Variants in RXRA observed in about 807,000 individuals in gnomAD.
The protein encoded by RXRA is retinoic acid receptor RXR-alpha.
In RXRA, 5 loss-of-function variants were observed where a neutral mutation model predicts 44.5. The observed-to-expected ratio is 0.11, with a 90% confidence interval of 0.06 to 0.24. The LOEUF (loss-of-function observed/expected upper bound fraction) is 0.24. Ranked by LOEUF, RXRA falls within the 10% of genes least tolerant of loss-of-function variation. The pLI is 1.00. For synonymous variants in RXRA, 291 were observed against 271.4 expected, an observed-to-expected ratio of 1.07 and a Z score of -0.71; for missense variants, 412 against 646.5, an observed-to-expected ratio of 0.64 and a Z score of 3.93.
In RXRA at chr9:134,349,390, C is replaced by G. The variant is rs1830193852; in HGVS notation, c.28+22731C>G. ...GCTTGGTGGCAGGGAGGGAAGGCCT[C>G]TCCACGGGGAGCAGGAGGGAGGAGA... On this transcript the variant is annotated intron_variant, in intron 1 of 9. Coordinates refer to ENST00000481739, the MANE Select transcript of RXRA (RefSeq NM_002957.6). This position sits in a 1 kb window ranked among gnomAD's most constrained non-coding sequence, Gnocchi z 4.3. Among the ~76,000 whole-genome samples the G allele has an allele frequency of 6.6e-6, 1 of 152,158 alleles. No homozygotes were observed. Among genetic ancestry groups the G allele is most frequent in the African/African-American group, 2.4e-5 (1 of 41,438 alleles).
chr9:134,418,520 C>G (rs1246213557), intron 5 of RXRA, among the ~76,000 whole-genome samples: 1 of 152,170 alleles, frequency 6.6e-6, no homozygotes, highest in African/African-American at 2.4e-5. Flanking sequence ...GCTGGGTGCG[C>G]CCTGCAGGTC....
intron 6 of RXRA, chr9:134,423,806 A>C: frequency 1.0e-6 from 1 of 985,456 alleles, no homozygotes; most frequent in South Asian, 4.7e-5. Flanking sequence ...TGCCAGCTGC[A>C]GGCCTGCCTG....
intron 1 of RXRA, chr9:134,371,961 T>C (rs969587189): frequency 6.6e-6 from 1 of 152,252 alleles, no homozygotes; most frequent in African/African-American, 2.4e-5. Flanking sequence ...CCTGCCAGCC[T>C]GGTGCAGGAC....
intron 4 of RXRA, among the ~76,000 whole-genome samples, chr9:134,413,285 G>A (rs937743126): frequency 3.3e-5 from 5 of 151,980 alleles, no homozygotes; most frequent in East Asian, 1.9e-4. Context: ...TCTGTGTGGT[G>A]TATGGGTGTG....
Position 134,357,048 on chromosome 9 carries a change from G to A in RXRA, c.28+30389G>A, listed in dbSNP as rs1022658770. Among the ~76,000 whole-genome samples the A allele has an allele frequency of 2.6e-5, 4 of 152,362 alleles. No homozygotes were observed. In the East Asian group the frequency reaches 5.8e-4, roughly 22 times the overall value. On this transcript the variant is annotated intron_variant, in intron 1 of 9. Coordinates refer to ENST00000481739, the MANE Select transcript of RXRA (RefSeq NM_002957.6). ...GCGTGAAGGCATAGCCAGGGCAGAA[G>A]CAGAACAAAAGAAAAGAAAAAAATC... is the stretch of plus-strand genomic sequence containing the variant.
intron 1 of RXRA, among the ~76,000 whole-genome samples, chr9:134,386,146 G>GC (rs1830716664): frequency 6.6e-6 from 1 of 152,248 alleles, no homozygotes; most frequent in African/African-American, 2.4e-5. Context: ...CTTGCGACCA[G>GC]CTCCAGGCTG....
At chr9:134,388,286 T>TGTGTGTGTGTGTATGTGTGA (rs71381810) in intron 1 of RXRA, among the ~76,000 whole-genome samples, 1 of 150,888 alleles carries the variant, frequency 6.6e-6, no homozygotes, top group African/African-American at 2.4e-5. Context: ...AGAAGCAGTG[T>TGTGTGTGTGTGTATGTGTGA]GTGTGTGAGT....
At chr9:134,388,680 C>T (rs62573107) in intron 1 of RXRA, among the ~76,000 whole-genome samples, 8 of 152,348 alleles carry the variant, frequency 5.3e-5, no homozygotes, top group Non-Finnish European at 8.8e-5. Context: ...AGTTGGTGGC[C>T]GCCATTCTGG....
At chr9:134,391,694 G>A (rs886247188) in intron 1 of RXRA, among the ~76,000 whole-genome samples, 6 of 152,312 alleles carry the variant, frequency 3.9e-5, no homozygotes, top group South Asian at 2.1e-4. Context: ...GCTGGTACCC[G>A]TCCTCCAAGG....
chr9:134,415,104 T>G (rs924312304), intron 4 of RXRA, among the ~76,000 whole-genome samples: 1 of 152,242 alleles, frequency 6.6e-6, no homozygotes, highest in Non-Finnish European at 1.5e-5. Context: ...CTGGCTCCTC[T>G]GCCTGGTTGG....
chr9:134,422,622 C>T (rs1454615351), intron 6 of RXRA: 31 of 915,250 alleles, frequency 3.4e-5, no homozygotes, highest in African/African-American at 3.8e-5. Context: ...TCCCCACTCC[C>T]GGGACACTCC....
Position 134,379,625 on chromosome 9 carries a change from C to T in RXRA, c.29-22007C>T, listed in dbSNP as rs1317740770. ...TCCCTGACAGCCGCAGGGTCTCACC[C>T]TCCTGCTCCAGCCCCTCTCTGACCC... On this transcript the variant is annotated intron_variant, in intron 1 of 9. Coordinates refer to ENST00000481739, the MANE Select transcript of RXRA (RefSeq NM_002957.6). 8 of 985,248 alleles carry T rather than the reference C, an allele frequency of 8.1e-6. No homozygotes were observed. The African/African-American group carries it at 1.4e-4, about 17-fold the overall frequency. The allele number at this position is 985,248 out of a possible 1,614,324, so 61.0% of individuals were successfully genotyped here.
intron 1 of RXRA, among the ~76,000 whole-genome samples, chr9:134,363,261 C>T (rs570975763): frequency 1.3e-5 from 2 of 152,332 alleles, no homozygotes; most frequent in African/African-American, 4.8e-5. Flanking sequence ...GGCCTCGTTG[C>T]TCTGTCCTCT....
intron 1 of RXRA, among the ~76,000 whole-genome samples, chr9:134,368,376 C>T (rs1003510281): frequency 6.6e-6 from 1 of 152,262 alleles, no homozygotes; most frequent in Admixed American, 6.5e-5. Flanking sequence ...TCCCCTGGGG[C>T]TGGATAGCCC....
chr9:134,369,132 G>A (rs1361350255), intron 1 of RXRA, among the ~76,000 whole-genome samples: 2 of 92,066 alleles, frequency 2.2e-5, no homozygotes, highest in Non-Finnish European at 4.2e-5. Flanking sequence ...TGCAGGGGTT[G>A]TGTGTGGGGT....
intron 1 of RXRA, among the ~76,000 whole-genome samples, chr9:134,358,673 C>T (rs573677328): frequency 1.3e-5 from 2 of 152,330 alleles, no homozygotes; most frequent in African/African-American, 4.8e-5. Flanking sequence ...CTCCCCTCCC[C>T]GCCCCTCCCT....
In RXRA at chr9:134,365,811, C is replaced by T. The variant is rs1375777679; in HGVS notation, c.29-35821C>T. Among the ~76,000 whole-genome samples the T allele has an allele frequency of 6.6e-6, 1 of 151,870 alleles. No homozygotes were observed. Among genetic ancestry groups the T allele is most frequent in the Non-Finnish European group, 1.5e-5 (1 of 67,952 alleles). On this transcript the variant is annotated intron_variant, in intron 1 of 9. Transcript: ENST00000481739. This position sits in a 1 kb window ranked among gnomAD's most constrained non-coding sequence, Gnocchi z 4.0. ...GGAGGGCCAGCCCAGAAGGACCCTCCCATTACCCTCTGGTGGCTTGCCCAT... is the reference window on the plus strand; with the variant it reads ...GGAGGGCCAGCCCAGAAGGACCCTCTCATTACCCTCTGGTGGCTTGCCCAT...
rs567510912 is a variant in RXRA at position 134,369,664 on chromosome 9, T to C, written c.29-31968T>C. On this transcript the variant is annotated intron_variant, in intron 1 of 9. Transcript: ENST00000481739. ...ACCCAGGGCCTCCTCCCTGTGGGCA[T>C]GGGAGTCATGGGCCTGGGTTTGAGG... 7.2e-5 allele frequency among the ~76,000 whole-genome samples: 11 copies of C among 152,046 alleles called. No individual in the cohort carries two copies. In the South Asian group the frequency reaches 2.1e-3, roughly 29 times the overall value.
At chr9:134,385,259 G>A (rs561385004) in intron 1 of RXRA, among the ~76,000 whole-genome samples, 3 of 152,328 alleles carry the variant, frequency 2.0e-5, no homozygotes, top group East Asian at 1.9e-4. Flanking sequence ...CTACCGGCCC[G>A]GGGCTTGTCC....
Sources: allele counts gnomAD v4.1 joint callset (sites outside exome capture counted in the v4.1 genomes callset), GRCh38; gene constraint gnomAD v4.1.1; non-coding constraint Gnocchi (gnomAD v3.1); transcripts MANE v1.5; gene names NCBI Gene and HGNC (gene_info 2026-07-23, HGNC 2026-07-21).